Variants in CRTAP observed in about 807,000 individuals in gnomAD.
CRTAP encodes the protein cartilage-associated protein.
A neutral mutation model predicts 42.7 loss-of-function variants in CRTAP; 33 were observed. The ratio of observed to expected loss-of-function variants is 0.77; its 90% confidence interval spans 0.59 to 1.03. The LOEUF (loss-of-function observed/expected upper bound fraction) is 1.03, where lower values mean the gene tolerates loss of function less well. Among genes scored for constraint, CRTAP ranks in the 50% least tolerant of loss-of-function variants. The probability of loss-of-function intolerance (pLI) is 0.00; values close to 1 mark genes in which losing one functional copy is unlikely to be tolerated. For missense variants in CRTAP, 613 were observed against 533.9 expected, an observed-to-expected ratio of 1.15 and a Z score of -1.46; for synonymous variants, 243 against 217.7, an observed-to-expected ratio of 1.12 and a Z score of -1.02.
chr3:33,146,168 C>A lies in CRTAP; in HGVS notation c.*3720C>A, dbSNP rs62250520. 236 of 152,344 alleles carry A rather than the reference C, an allele frequency of 1.5e-3. No homozygotes were observed. The highest frequency in any genetic ancestry group is 2.5e-3 in the Non-Finnish European group (173 of 68,056). The allele number at this position is 152,344 out of a possible 1,614,324, so 9.4% of individuals were successfully genotyped here. On this transcript the variant is annotated 3_prime_UTR_variant, in exon 7 of 7. Coordinates refer to ENST00000320954, the MANE Select transcript of CRTAP (RefSeq NM_006371.5). ...AGCCTAGAAGATTCCTGGATGGAGA[C>A]CCCATTGGTTCAGCCTCAAGTCTGG...
intron 4 of CRTAP, among the ~76,000 whole-genome samples, chr3:33,132,069 A>G (rs1031849310): frequency 6.6e-6 from 1 of 152,010 alleles, no homozygotes; most frequent in Non-Finnish European, 1.5e-5. Flanking sequence ...GACTTTCCAA[A>G]TCCCCTCCAA....
At chr3:33,123,209 T>C (rs2029939281) in intron 2 of CRTAP, among the ~76,000 whole-genome samples, 1 of 152,218 alleles carries the variant, frequency 6.6e-6, no homozygotes, top group African/African-American at 2.4e-5. Context: ...CACTTCTGTT[T>C]AACTGCATTG....
intron 4 of CRTAP, among the ~76,000 whole-genome samples, chr3:33,130,416 T>G (rs1369970632): frequency 6.6e-6 from 1 of 152,190 alleles, no homozygotes; most frequent in Non-Finnish European, 1.5e-5. Flanking sequence ...CATAGCAAAC[T>G]GTGTGTTTGT....
Position 33,121,402 on chromosome 3 carries a change from ACT to A in CRTAP, c.621+912_621+913del, listed in dbSNP as rs547772992. Reference sequence around the variant, plus strand: ...ACTCCAGCCTGGGCGACAGAGCGAGACTCTGTCTCAAAAAAAATGAAAGAAAA... The same window carrying A: ...ACTCCAGCCTGGGCGACAGAGCGAGACTGTCTCAAAAAAAATGAAAGAAAA... On this transcript the variant is annotated intron_variant, in intron 2 of 6. Coordinates refer to ENST00000320954, the MANE Select transcript of CRTAP (RefSeq NM_006371.5). Among the ~76,000 whole-genome samples the A allele has an allele frequency of 9.9e-5, 15 of 152,036 alleles. No individual in the cohort carries two copies. The South Asian group carries it at 2.9e-3, about 29-fold the overall frequency.
In CRTAP at chr3:33,114,560, T is replaced by TCGCCCCGTCCCAGGCCCCGGCCC; in HGVS notation, c.471+19_471+41dup. The TCGCCCCGTCCCAGGCCCCGGCCC allele has an allele frequency of 6.4e-7, 1 of 1,566,094 alleles. No individual in the cohort carries two copies. ...TCGCTTACTTCAAGGCAAGTCCGCC[T>TCGCCCCGTCCCAGGCCCCGGCCC]CGCCCCGTCCCAGGCCCCGGCCCCG... On this transcript the variant is annotated intron_variant, in intron 1 of 6. Coordinates refer to ENST00000320954, the MANE Select transcript of CRTAP (RefSeq NM_006371.5).
intron 3 of CRTAP, among the ~76,000 whole-genome samples, chr3:33,127,019 G>A (rs1404762407): frequency 6.6e-6 from 1 of 151,700 alleles, no homozygotes; most frequent in African/African-American, 2.4e-5. Context: ...TGTTCCATGT[G>A]AGCAGAGGGA....
rs11316535 is a variant in CRTAP at position 33,133,261 on chromosome 3, C to CTT, written c.1068+575_1068+576dup. Among the ~76,000 whole-genome samples the CTT allele has an allele frequency of 6.7e-5, 9 of 134,494 alleles. No individual in the cohort carries two copies. In the South Asian group the frequency reaches 9.7e-4, roughly 14 times the overall value. 88.2% of individuals were successfully genotyped at this position (134,494 alleles called of 152,430 possible). On this transcript the variant is annotated intron_variant, in intron 5 of 6. Coordinates refer to ENST00000320954, the MANE Select transcript of CRTAP (RefSeq NM_006371.5). ...TCGTAATCCTACACCTTCTCTCTCTCTTTTTTTTTTTTTTTGAGACAGAGT... is the reference window on the plus strand; with the variant it reads ...TCGTAATCCTACACCTTCTCTCTCTCTTTTTTTTTTTTTTTTTGAGACAGAGT...
Position 33,114,324 on chromosome 3 carries a change from T to G in CRTAP, c.247T>G (p.Phe83Val). Residue 83 changes from phenylalanine to valine, a missense_variant, in exon 1 of 7, where the codon TTC (phenylalanine) becomes GTC (valine). Phe to Val is a conservative substitution (Grantham distance 50). Coordinates refer to ENST00000320954, the MANE Select transcript of CRTAP (RefSeq NM_006371.5). Reference sequence around the variant, plus strand: ...CCGCTTGCTGCGCGACAGCGAGGCCTTCTGCCACCGCAACTGCAGCGCCGC... The same window carrying G: ...CCGCTTGCTGCGCGACAGCGAGGCCGTCTGCCACCGCAACTGCAGCGCCGC... ...LHRLLRDSEA[F>V]CHRNCSAAPQ... 1 of 1,542,704 alleles carries G rather than the reference T, an allele frequency of 6.5e-7. No homozygotes were observed. The highest frequency in any genetic ancestry group is 2.5e-5 in the East Asian group (1 of 40,274).
rs1364776438 is a variant in CRTAP at position 33,146,099 on chromosome 3, C to T, written c.*3651C>T. ...GAAACCCTGGTGTGCAGGCTGCACT[C>T]AATGACCTCAACCCAACACCTCCCT... On this transcript the variant is annotated 3_prime_UTR_variant, in exon 7 of 7. Transcript: ENST00000320954. 2 of 152,052 alleles carry T rather than the reference C, an allele frequency of 1.3e-5. No homozygotes were observed. The highest frequency in any genetic ancestry group is 2.9e-5 in the Non-Finnish European group (2 of 68,022). The allele number at this position is 152,052 out of a possible 1,614,324, so 9.4% of individuals were successfully genotyped here.
At position 33,144,460 on chromosome 3, in the gene CRTAP, C is replaced by G. The variant is rs2030668473; in HGVS notation, c.*2012C>G. On this transcript the variant is annotated 3_prime_UTR_variant, in exon 7 of 7. Transcript: ENST00000320954. The stretch of plus-strand genomic sequence containing the variant: ...TTGTTGGGGGTGCTCTCAGAAGGAA[C>G]CTGTGAAAGCCTTTATCAGTCATTT... 6.6e-6 allele frequency: 1 copy of G among 152,176 alleles called. No individual in the cohort carries two copies. Among genetic ancestry groups the G allele is most frequent in the African/African-American group, 2.4e-5 (1 of 41,428 alleles). The allele number at this position is 152,176 out of a possible 1,614,324, so 9.4% of individuals were successfully genotyped here.
intron 2 of CRTAP, among the ~76,000 whole-genome samples, 176 bp downstream of exon 2, chr3:33,120,669 A>G (rs2125598785): frequency 6.6e-6 from 1 of 152,342 alleles, no homozygotes; most frequent in Non-Finnish European, 1.5e-5. Flanking sequence ...TAATAATGAT[A>G]TTTTGTATGC....
At chr3:33,119,152 C>T (rs1057209412) in intron 1 of CRTAP, among the ~76,000 whole-genome samples, 1 of 152,166 alleles carries the variant, frequency 6.6e-6, no homozygotes, top group African/African-American at 2.4e-5. Context: ...GAATCATTGG[C>T]CCCTTCAATG....
rs775904940 is a variant in CRTAP, at chr3:33,114,140, G to A, written c.63G>A (p.Leu21=). ...CGCTGCTGTGCGTGGCCTGCGCGCT[G>A]CGCGCCGGGCGCGCCCAATACGAAC... ...LLALLCVACA[L]RAGRAQYERY... is the part of the protein sequence containing the mutation. The change falls in exon 1 of 7, where the codon CTG becomes CTA. Residue 21 remains leucine, a synonymous_variant. Coordinates refer to ENST00000320954, the MANE Select transcript of CRTAP (RefSeq NM_006371.5). 12 of 1,572,248 alleles carry A rather than the reference G, an allele frequency of 7.6e-6. No individual in the cohort carries two copies. The highest frequency in any genetic ancestry group is 1.0e-5 in the Non-Finnish European group (12 of 1,168,904).
At position 33,147,512 on chromosome 3, in the gene CRTAP, C is replaced by T. The variant is rs991130304; in HGVS notation, c.*5064C>T. On this transcript the variant is annotated 3_prime_UTR_variant, in exon 7 of 7. Coordinates refer to ENST00000320954, the MANE Select transcript of CRTAP (RefSeq NM_006371.5). ...GAGCTGGCCGGTAAGATATTAGTGC[C>T]TCATTTTACAAGAAGAGAATAGGAA... is the stretch of plus-strand genomic sequence containing the variant. The T allele has an allele frequency of 1.3e-5, 2 of 152,242 alleles. No homozygotes were observed. The highest frequency in any genetic ancestry group is 2.4e-5 in the African/African-American group (1 of 41,410). 9.4% of individuals were successfully genotyped at this position (152,242 alleles called of 1,614,324 possible).
At chr3:33,134,010 A>G (rs1212319637) in intron 5 of CRTAP, among the ~76,000 whole-genome samples, 172 bp from the exon 6 acceptor site, 1 of 152,236 alleles carries the variant, frequency 6.6e-6, no homozygotes, top group African/African-American at 2.4e-5. Flanking sequence ...ACCTTTTTAA[A>G]GTGTACAATT....
Position 33,142,518 on chromosome 3 carries a change from CCCAGG to C in CRTAP, c.*72_*76del, listed in dbSNP as rs1188296334. On this transcript the variant is annotated 3_prime_UTR_variant, in exon 7 of 7. Transcript: ENST00000320954. The stretch of plus-strand genomic sequence containing the variant: ...AGATTCTTTGTCCTTTTCCCAACAG[CCCAGG>C]CTGTTGATACCTCAGAGCCTTCTCT... 1.3e-5 allele frequency: 19 copies of C among 1,486,952 alleles called. No individual in the cohort carries two copies. In the East Asian group the frequency reaches 4.1e-4, roughly 32 times the overall value. 92.1% of individuals were successfully genotyped at this position (1,486,952 alleles called of 1,614,324 possible).
At chr3:33,116,077 G>A (rs1338058060) in intron 1 of CRTAP, among the ~76,000 whole-genome samples, 1 of 152,070 alleles carries the variant, frequency 6.6e-6, no homozygotes, top group African/African-American at 2.4e-5. Context: ...AATATGTTCT[G>A]AACCAAATTT....
chr3:33,120,294 A>G (rs2029866905), intron 1 of CRTAP, 50 bp from the exon 2 acceptor site: 2 of 1,521,020 alleles, frequency 1.3e-6, no homozygotes, highest in Non-Finnish European at 1.8e-6. Flanking sequence ...TTTTACAAAA[A>G]TTACCACTTA....
At chr3:33,139,480 T>C in intron 6 of CRTAP, among the ~76,000 whole-genome samples, 1 of 151,704 alleles carries the variant, frequency 6.6e-6, no homozygotes, top group Non-Finnish European at 1.5e-5. Flanking sequence ...GTTGAATTTT[T>C]TTTTTTTTTT....
Sources: gnomAD v4.1 joint callset for allele counts (sites outside exome capture counted in the v4.1 genomes callset) on GRCh38, gnomAD v4.1.1 for gene constraint, MANE v1.5 for transcripts, NCBI Gene and HGNC (gene_info 2026-07-23, HGNC 2026-07-21) for gene names.